The following CADPS variants were observed in gnomAD, a reference collection of about 807,000 sequenced individuals.
CADPS encodes calcium dependent secretion activator.
A neutral mutation model predicts 167.3 loss-of-function variants in CADPS; 57 were observed. The ratio of observed to expected loss-of-function variants is 0.34; its 90% CI spans 0.28 to 0.42. The LOEUF (loss-of-function observed/expected upper bound fraction) is 0.42. Ranked by LOEUF, CADPS falls within the 20% of genes least tolerant of loss-of-function variation. CADPS has a pLI of 1.00. For missense variants in CADPS, 1,414 were observed against 1,738.1 expected (o/e 0.81, Z 3.32); for synonymous variants, 676 against 635.3 (o/e 1.06, Z -0.96).
At chr3:62,515,916 C>T (rs1012807131) in intron 16 of CADPS, 143 bp downstream of exon 16, 18 of 931,462 alleles carry the variant, frequency 1.9e-5, no homozygotes, top group Non-Finnish European at 2.8e-5. Flanking sequence ...AAGGAAACTT[C>T]GACATTTCAG....
chr3:62,638,077 T>TTTTATATATATATA (rs1327401611), intron 6 of CADPS, among the ~76,000 whole-genome samples: 3 of 36,766 alleles, frequency 8.2e-5, no homozygotes, highest in Non-Finnish European at 1.6e-4. Context: ...GTTTTAAGCA[T>TTTTATATATATATA]TATATATATA....
chr3:62,784,835 G>A (rs1199960511), intron 1 of CADPS, among the ~76,000 whole-genome samples: 1 of 151,862 alleles, frequency 6.6e-6, no homozygotes, highest in East Asian at 1.9e-4. Context: ...CCATTGCAAT[G>A]TATGCAGCTC....
intron 7 of CADPS, among the ~76,000 whole-genome samples, chr3:62,586,482 T>C (rs970896107): frequency 1.3e-5 from 2 of 152,070 alleles, no homozygotes; most frequent in African/African-American, 2.4e-5. Context: ...ACAAGACTGC[T>C]GAGAGGAGGA....
intron 6 of CADPS, among the ~76,000 whole-genome samples, chr3:62,610,530 C>T (rs1578769024): frequency 1.3e-5 from 2 of 152,164 alleles, no homozygotes; most frequent in East Asian, 3.9e-4. Flanking sequence ...GGATTACAGG[C>T]ATGAGCCACC....
intron 3 of CADPS, among the ~76,000 whole-genome samples, chr3:62,711,273 T>A (rs934572881): frequency 6.6e-6 from 1 of 152,196 alleles, no homozygotes; most frequent in African/African-American, 2.4e-5. Context: ...ATATCTATGG[T>A]AATCTGGTAT....
At chr3:62,641,571 A>G (rs1184954777) in intron 6 of CADPS, among the ~76,000 whole-genome samples, 1 of 152,136 alleles carries the variant, frequency 6.6e-6, no homozygotes, top group African/African-American at 2.4e-5. Flanking sequence ...GAGGCTGCTG[A>G]TCTAATGGCA....
chr3:62,493,908 G>A (rs1272717865), intron 18 of CADPS, among the ~76,000 whole-genome samples: 2 of 152,136 alleles, frequency 1.3e-5, no homozygotes, highest in African/African-American at 4.8e-5. Flanking sequence ...AAAGTAAAAA[G>A]TATTCATTAA....
At chr3:62,413,298 G>A (rs1560045251) in intron 28 of CADPS, among the ~76,000 whole-genome samples, 1 of 152,100 alleles carries the variant, frequency 6.6e-6, no homozygotes, top group Admixed American at 6.6e-5. Context: ...ATTGAAAGTA[G>A]GATCTAGAAG....
intron 3 of CADPS, among the ~76,000 whole-genome samples, chr3:62,739,337 A>G (rs936252066): frequency 6.6e-6 from 1 of 152,084 alleles, no homozygotes; most frequent in African/African-American, 2.4e-5. Flanking sequence ...AACACAACAA[A>G]CTCAATAAGT....
intron 1 of CADPS, among the ~76,000 whole-genome samples, chr3:62,773,915 C>T (rs1252997273): frequency 6.6e-6 from 1 of 152,006 alleles, no homozygotes; most frequent in Non-Finnish European, 1.5e-5. Flanking sequence ...AATCAGCATG[C>T]TATTCCTAAA....
intron 3 of CADPS, among the ~76,000 whole-genome samples, chr3:62,729,352 G>C (rs499802): frequency 0.33 from 49,379 of 151,692 alleles, 9,117 homozygotes; most frequent in African/African-American, 0.48. Flanking sequence ...TGGAAGGATA[G>C]AAGGCATTTG....
At chr3:62,543,292 A>T (rs1477136723) in intron 11 of CADPS, among the ~76,000 whole-genome samples, 2 of 152,224 alleles carry the variant, frequency 1.3e-5, no homozygotes, top group Non-Finnish European at 2.9e-5. Flanking sequence ...ATATAAGAAG[A>T]TATAGCAAAA....
At position 62,820,797 on chromosome 3, in the gene CADPS, T is replaced by G. The variant is rs1351301838; in HGVS notation, c.441+53792A>C. On this transcript the variant is annotated intron_variant, in intron 1 of 29. Transcript: ENST00000383710. Reference sequence around the variant, plus strand: ...ACTCTTTCTTCCTCTTTTTTTTGGTTTTTTTTTTTTTTCTGTCTTTTCGAG... The same window carrying G: ...ACTCTTTCTTCCTCTTTTTTTTGGTGTTTTTTTTTTTTCTGTCTTTTCGAG... Among the ~76,000 whole-genome samples, 66 of 21,310 alleles carry G rather than the reference T, an allele frequency of 3.1e-3. 2 individuals carry two copies. The East Asian group carries it at 0.11, about 35-fold the overall frequency. 14.0% of individuals were successfully genotyped at this position (21,310 alleles called of 152,430 possible).
At position 62,446,031 on chromosome 3, in the gene CADPS, G is replaced by A. The variant is rs1173879707; in HGVS notation, c.3637-234C>T. Among the ~76,000 whole-genome samples, 1 of 152,204 alleles carries A rather than the reference G, an allele frequency of 6.6e-6. No homozygotes were observed. The highest frequency in any genetic ancestry group is 1.5e-5 in the Non-Finnish European group (1 of 68,036). ...TTTACTGATTCAGATTCTGTTGCTG[G>A]AGCGGGAGCTTTACATTTTCCTCCC... On this transcript the variant is annotated intron_variant, in intron 26 of 29. Transcript: ENST00000383710. This position sits in a 1 kb window ranked among gnomAD's most constrained non-coding sequence, Gnocchi z 4.9.
intron 8 of CADPS, among the ~76,000 whole-genome samples, chr3:62,579,506 G>A (rs2082966527): frequency 6.6e-6 from 1 of 152,150 alleles, no homozygotes; most frequent in Non-Finnish European, 1.5e-5. Context: ...GAGCTCTGGT[G>A]AAAACAAAAC....
chr3:62,805,076 C>T (rs2094007927), intron 1 of CADPS, among the ~76,000 whole-genome samples: 1 of 152,136 alleles, frequency 6.6e-6, no homozygotes, highest in African/African-American at 2.4e-5. Flanking sequence ...CAGTCCTAGG[C>T]ATGGTGGGAT....
chr3:62,445,932 A>T (rs2057151632), intron 26 of CADPS, 135 bp from the exon 27 acceptor site: 6 of 530,222 alleles, frequency 1.1e-5, no homozygotes, highest in Middle Eastern at 5.8e-4. Flanking sequence ...GAAAGGTACT[A>T]GAAAATAAAA....
chr3:62,645,342 A>G (rs577399434), intron 6 of CADPS, among the ~76,000 whole-genome samples: 3 of 152,316 alleles, frequency 2.0e-5, no homozygotes, highest in South Asian at 4.1e-4. Flanking sequence ...CCAAAAATAT[A>G]TGGAAATGAA....
intron 1 of CADPS, among the ~76,000 whole-genome samples, chr3:62,868,072 C>T (rs2082028018): frequency 6.6e-6 from 1 of 152,076 alleles, no homozygotes; most frequent in Non-Finnish European, 1.5e-5. Context: ...CCCCTTTCCT[C>T]ATCTGTTAAA....
Sources: allele counts gnomAD v4.1 joint callset (sites outside exome capture counted in the v4.1 genomes callset), GRCh38; gene constraint gnomAD v4.1.1; non-coding constraint Gnocchi (gnomAD v3.1); transcripts MANE v1.5; gene names NCBI Gene and HGNC (gene_info 2026-07-23, HGNC 2026-07-21).